Variants in ME1 observed in about 807,000 individuals in gnomAD.
ME1 encodes the protein NADP-dependent malic enzyme.
ME1 carries 74 observed loss-of-function variants against 66.4 expected under a neutral mutation model. That is an observed-to-expected ratio of 1.11 (90% CI 0.92 to 1.35). The LOEUF is 1.35. Ranked by LOEUF, ME1 falls within the 40% of genes most tolerant of loss-of-function variation. The pLI, the probability that ME1 is intolerant of heterozygous loss-of-function variation, is 0.00. For synonymous variants in ME1, 251 were observed against 235.6 expected (o/e 1.07, Z -0.60); for missense variants, 750 against 694.1 (o/e 1.08, Z -0.90).
At chr6:83,313,085 C>G (rs900545953) in intron 6 of ME1, among the ~76,000 whole-genome samples, 2 of 152,158 alleles carry the variant, frequency 1.3e-5, no homozygotes, top group African/African-American at 2.4e-5. Flanking sequence ...AACTCTATCT[C>G]AGAGTCTGAT....
intron 5 of ME1, among the ~76,000 whole-genome samples, chr6:83,319,401 CA>C (rs1768110434): frequency 6.6e-6 from 1 of 151,928 alleles, no homozygotes; most frequent in South Asian, 2.1e-4. Context: ...TGCCAGCCAA[CA>C]TAGGAAGGAG....
At chr6:83,415,987 C>T (rs932459857) in intron 1 of ME1, among the ~76,000 whole-genome samples, 1 of 152,130 alleles carries the variant, frequency 6.6e-6, no homozygotes, top group African/African-American at 2.4e-5. Context: ...TTTAGATGCA[C>T]ACTTCACCAA....
chr6:83,258,735 A>G (rs1218312007), intron 6 of ME1, among the ~76,000 whole-genome samples: 1 of 152,136 alleles, frequency 6.6e-6, no homozygotes, highest in Non-Finnish European at 1.5e-5. Context: ...TATCCACTTA[A>G]CAGATAAAGA....
chr6:83,294,299 TC>T (rs1488778647), intron 6 of ME1, among the ~76,000 whole-genome samples: 1 of 152,166 alleles, frequency 6.6e-6, no homozygotes, highest in Non-Finnish European at 1.5e-5. Context: ...CAAGTAATCA[TC>T]CAATTCCCTT....
chr6:83,221,983 C>T (rs1285954075), intron 12 of ME1, among the ~76,000 whole-genome samples: 5 of 152,052 alleles, frequency 3.3e-5, no homozygotes, highest in African/African-American at 1.2e-4. Context: ...GTTGACAACA[C>T]CACATTTTTT....
intron 10 of ME1, 59 bp downstream of exon 10, chr6:83,228,767 A>T: frequency 8.3e-7 from 1 of 1,208,026 alleles, no homozygotes; most frequent in Admixed American, 2.3e-5. Context: ...ATTGGTAGTA[A>T]AAAAAACAAT....
chr6:83,398,739 A>G (rs1769789402), intron 2 of ME1, among the ~76,000 whole-genome samples: 1 of 152,144 alleles, frequency 6.6e-6, no homozygotes, highest in Admixed American at 6.5e-5. Context: ...TGGGAGGCTG[A>G]GGTGGGCGGA....
At chr6:83,312,571 T>C (rs1163338963) in intron 6 of ME1, among the ~76,000 whole-genome samples, 2 of 152,038 alleles carry the variant, frequency 1.3e-5, no homozygotes, top group African/African-American at 4.8e-5. Context: ...GGGAGGTTGA[T>C]GGGCATTGAA....
chr6:83,430,904 C>G lies in ME1; in HGVS notation c.51G>C (p.Leu17=), dbSNP rs1341369417. The change falls in exon 1 of 14, where the codon CTG becomes CTC. Residue 17 remains leucine, a synonymous_variant. Transcript: ENST00000369705. ...RRRHTHQRGY[L]LTRNPHLNKD... is the part of the protein sequence containing the mutation. ...TGTTGAGGTGAGGGTTCCGTGTCAG[C>G]AGGTAGCCGCGCTGATGGGTGTGGC... 2 of 1,603,062 alleles carry G rather than the reference C, an allele frequency of 1.2e-6. No homozygotes were observed. Among genetic ancestry groups the G allele is most frequent in the Non-Finnish European group, 1.7e-6 (2 of 1,175,228 alleles).
intron 3 of ME1, among the ~76,000 whole-genome samples, chr6:83,368,055 T>A (rs1375291102): frequency 6.6e-6 from 1 of 152,064 alleles, no homozygotes; most frequent in Non-Finnish European, 1.5e-5. Context: ...GTTGTGTGTC[T>A]GGGAATAGGC....
intron 3 of ME1, among the ~76,000 whole-genome samples, chr6:83,355,616 A>G (rs181902868): frequency 6.6e-6 from 1 of 152,082 alleles, no homozygotes; most frequent in Non-Finnish European, 1.5e-5. Flanking sequence ...TCCCACCAAA[A>G]CCAAGCATTT....
chr6:83,384,389 CTG>C, intron 3 of ME1, among the ~76,000 whole-genome samples: 1 of 151,868 alleles, frequency 6.6e-6, no homozygotes, highest in Admixed American at 6.6e-5. Flanking sequence ...TGGTATCTCA[CTG>C]TGGTTTTGAT....
chr6:83,376,281 G>C (rs1362779123), intron 3 of ME1, among the ~76,000 whole-genome samples: 2 of 152,120 alleles, frequency 1.3e-5, no homozygotes, highest in African/African-American at 4.8e-5. Context: ...TGAATCGCCT[G>C]AGGTCAGGAG....
At chr6:83,266,539 T>C (rs1766993916) in intron 6 of ME1, among the ~76,000 whole-genome samples, 1 of 152,204 alleles carries the variant, frequency 6.6e-6, no homozygotes, top group African/African-American at 2.4e-5. Context: ...CTAATACTAA[T>C]TAAATGCCAG....
chr6:83,307,891 A>G (rs949542616), intron 6 of ME1, among the ~76,000 whole-genome samples: 9 of 152,124 alleles, frequency 5.9e-5, no homozygotes, highest in African/African-American at 1.9e-4. Flanking sequence ...AAAGAAATAA[A>G]TTTAGTATAT....
chr6:83,299,575 A>G lies in ME1; in HGVS notation c.704+15735T>C, dbSNP rs540917936. ...AGATAATTTGACTTTCTCTCCTTCT[A>G]TTTGAATACTCTTTATTTTTTTCTC... On this transcript the variant is annotated intron_variant, in intron 6 of 13. Transcript: ENST00000369705. Among the ~76,000 whole-genome samples, 35 of 152,210 alleles carry G rather than the reference A, an allele frequency of 2.3e-4. No individual in the cohort carries two copies. In the South Asian group the frequency reaches 6.4e-3, roughly 28 times the overall value.
At chr6:83,228,062 C>T (rs1448195212) in intron 10 of ME1, among the ~76,000 whole-genome samples, 2 of 152,242 alleles carry the variant, frequency 1.3e-5, no homozygotes, top group East Asian at 3.9e-4. Context: ...TAGTTATCAT[C>T]ATTATTTTCA....
Position 83,216,514 on chromosome 6 carries a change from A to C in ME1, c.1532T>G (p.Leu511Arg), listed in dbSNP as rs774213170. 5.6e-6 allele frequency: 9 copies of C among 1,604,226 alleles called. No individual in the cohort carries two copies. The highest frequency in any genetic ancestry group is 5.9e-6 in the Non-Finnish European group (7 of 1,177,132). Reference sequence around the variant, plus strand: ...TGGTTTTACCTTTTCTGCAATTTTCAGAGAAACATCTCTAATGGTATTCAA... The same window carrying C: ...TGGTTTTACCTTTTCTGCAATTTTCCGAGAAACATCTCTAATGGTATTCAA... ...PPLNTIRDVSLKIAEKIVKDA... is the reference protein window; with the variant it reads ...PPLNTIRDVSRKIAEKIVKDA... The change falls in exon 13 of 14, where the codon CTG becomes CGG. Residue 511 changes from leucine to arginine, a missense_variant. Transcript: ENST00000369705.
At chr6:83,357,590 A>C (rs1768913552) in intron 3 of ME1, among the ~76,000 whole-genome samples, 1 of 151,936 alleles carries the variant, frequency 6.6e-6, no homozygotes, top group Non-Finnish European at 1.5e-5. Flanking sequence ...TGTGTCTGTG[A>C]GGGTGTTGCC....
Sources: allele counts gnomAD v4.1 joint callset (sites outside exome capture counted in the v4.1 genomes callset), GRCh38; gene constraint gnomAD v4.1.1; transcripts MANE v1.5; gene names NCBI Gene and HGNC (gene_info 2026-07-23, HGNC 2026-07-21).